The following CHSY1 variants were observed in gnomAD, a reference collection of about 807,000 sequenced individuals.
CHSY1 encodes N-acetylgalactosaminyl-proteoglycan 3-beta-glucuronosyltransferase 1.
Under a neutral mutation model 59.8 loss-of-function variants are expected in CHSY1, and 13 were observed. That is an observed-to-expected ratio of 0.22 (90% confidence interval 0.14 to 0.35). The LOEUF (loss-of-function observed/expected upper bound fraction) is 0.35. Ranked by LOEUF, CHSY1 falls within the 10% of genes least tolerant of loss-of-function variation. CHSY1 has a pLI of 1.00. For synonymous variants in CHSY1, 459 were observed against 401.2 expected (o/e 1.14, Z -1.72); for missense variants, 947 against 1,030.6 (o/e 0.92, Z 1.11).
chr15:101,180,653 C>G (rs1175302788), intron 2 of CHSY1, among the ~76,000 whole-genome samples: 1 of 152,196 alleles, frequency 6.6e-6, no homozygotes, highest in East Asian at 1.9e-4. Context: ...TTTAAATAAA[C>G]TGAAGCAAAG....
At chr15:101,250,889 G>A (rs1008950506) in intron 1 of CHSY1, among the ~76,000 whole-genome samples, 2 of 152,004 alleles carry the variant, frequency 1.3e-5, no homozygotes, top group Non-Finnish European at 2.9e-5. Flanking sequence ...ATCAGGGTGA[G>A]AGGTACACCC....
rs755136639 is a variant in CHSY1 at position 101,177,388 on chromosome 15, T to C, written c.2409A>G (p.Ter803=). 4 of 1,608,560 alleles carry C rather than the reference T, an allele frequency of 2.5e-6. No individual in the cohort carries two copies. The South Asian group carries it at 4.5e-5, about 18-fold the overall frequency. ...SNNNGSVRTA[*] is the part of the protein sequence containing the mutation. ...ACGTCTTTTCCAGCAAAGCTGGACA[T>C]TAGGCTGTCCTCACTGAGCCATTAT... is the stretch of plus-strand genomic sequence containing the variant. Residue 803 remains the stop codon, a stop_retained_variant, in exon 3 of 3, where the codon TAA becomes TAG. Transcript: ENST00000254190.
rs913889210 is a variant in CHSY1, at chr15:101,177,203, A to C, written c.*185T>G. 7 of 554,948 alleles carry C rather than the reference A, an allele frequency of 1.3e-5. No homozygotes were observed. Among genetic ancestry groups the C allele is most frequent in the Middle Eastern group, 4.7e-4 (1 of 2,138 alleles). The allele number at this position is 554,948 out of a possible 1,614,324, so 34.4% of individuals were successfully genotyped here. On this transcript the variant is annotated 3_prime_UTR_variant, in exon 3 of 3. Transcript: ENST00000254190. ...GTCTGCTACATAATGTTCAGCAAGA[A>C]GATGTGTTCAAAGGCAAACACTGAT...
chr15:101,183,667 G>GC (rs768363850), intron 2 of CHSY1, among the ~76,000 whole-genome samples: 82 of 152,238 alleles, frequency 5.4e-4, no homozygotes, highest in Non-Finnish European at 1.1e-3. Context: ...GAATGACCAT[G>GC]CAAGGAGGCA....
chr15:101,210,550 T>C (rs1469496173), intron 2 of CHSY1, among the ~76,000 whole-genome samples: 1 of 152,146 alleles, frequency 6.6e-6, no homozygotes, highest in Non-Finnish European at 1.5e-5. Flanking sequence ...GAAATCATAA[T>C]CAAGAAGACT....
At chr15:101,239,152 T>G (rs1475360139) in intron 1 of CHSY1, among the ~76,000 whole-genome samples, 1 of 152,224 alleles carries the variant, frequency 6.6e-6, no homozygotes, top group Non-Finnish European at 1.5e-5. Context: ...TTTGAAAATG[T>G]AAATAATTTC....
rs762567636 is a variant in CHSY1 at position 101,178,998 on chromosome 15, A to G, written c.817-18T>C. ...TGCTGCATCTGTTACAGGAAAAAAA[A>G]GAGATCACAAATTTAGTATTGTATG... On this transcript the variant is annotated intron_variant, in intron 2 of 2. Coordinates refer to ENST00000254190, the MANE Select transcript of CHSY1 (RefSeq NM_014918.5). The G allele has an allele frequency of 6.2e-7, 1 of 1,612,572 alleles. No homozygotes were observed. Among genetic ancestry groups the G allele is most frequent in the Non-Finnish European group, 8.5e-7 (1 of 1,178,850 alleles).
At chr15:101,196,339 T>C (rs2038507080) in intron 2 of CHSY1, among the ~76,000 whole-genome samples, 1 of 152,188 alleles carries the variant, frequency 6.6e-6, no homozygotes, top group Admixed American at 6.5e-5. Flanking sequence ...AAAACATTTT[T>C]CTTTGCTGGC....
At position 101,251,062 on chromosome 15, in the gene CHSY1, G is replaced by A. The variant is rs1049061637; in HGVS notation, c.320+75C>T. The A allele has an allele frequency of 9.3e-6, 13 of 1,402,164 alleles. No homozygotes were observed. The African/African-American group carries it at 1.0e-4, about 11-fold the overall frequency. 86.9% of individuals were successfully genotyped at this position (1,402,164 alleles called of 1,614,324 possible). Reference sequence around the variant, plus strand: ...GCCTAGGAAGCGGGCGGAGGCGAGAGCCAGGAGAGCACCCGGGATGCCGGC... The same window carrying A: ...GCCTAGGAAGCGGGCGGAGGCGAGAACCAGGAGAGCACCCGGGATGCCGGC... On this transcript the variant is annotated intron_variant, in intron 1 of 2. Coordinates refer to ENST00000254190, the MANE Select transcript of CHSY1 (RefSeq NM_014918.5).
intron 2 of CHSY1, among the ~76,000 whole-genome samples, chr15:101,223,245 T>C (rs773517071): frequency 2.0e-5 from 3 of 152,200 alleles, no homozygotes; most frequent in African/African-American, 7.2e-5. Context: ...TCCACCCACC[T>C]TGGCCTCCCA....
chr15:101,252,040 A>T lies in CHSY1; in HGVS notation c.-584T>A, dbSNP rs1266559382. On this transcript the variant is annotated 5_prime_UTR_variant, in exon 1 of 3. In the 5' UTR this introduces an upstream ATG that the reference lacks. Transcript: ENST00000254190. The stretch of plus-strand genomic sequence containing the variant: ...CCGTCCGCGCCGCGCGATTGGCGCA[A>T]AAGTGAATGAGGGGCGGTTCACGTG... The T allele has an allele frequency of 6.7e-6, 1 of 150,176 alleles. No homozygotes were observed. Among genetic ancestry groups the T allele is most frequent in the Non-Finnish European group, 1.5e-5 (1 of 67,508 alleles). The allele number at this position is 150,176 out of a possible 1,614,324, so 9.3% of individuals were successfully genotyped here.
intron 1 of CHSY1, among the ~76,000 whole-genome samples, chr15:101,250,366 A>G (rs1055805160): frequency 3.9e-5 from 6 of 152,220 alleles, no homozygotes; most frequent in Non-Finnish European, 5.9e-5. Flanking sequence ...CATGCCAGCC[A>G]TTCCAAAATC....
intron 2 of CHSY1, among the ~76,000 whole-genome samples, chr15:101,215,074 T>G (rs2038718213): frequency 6.6e-6 from 1 of 152,182 alleles, no homozygotes; most frequent in Admixed American, 6.5e-5. Context: ...CCACCATGAT[T>G]GTAAGTTTCC....
chr15:101,225,784 A>T (rs184521427), intron 2 of CHSY1, among the ~76,000 whole-genome samples: 11 of 152,386 alleles, frequency 7.2e-5, no homozygotes, highest in Non-Finnish European at 1.5e-5. Flanking sequence ...ATTTCCTTAT[A>T]GCCGTGTGAG....
intron 2 of CHSY1, among the ~76,000 whole-genome samples, chr15:101,217,451 C>T (rs1043632351): frequency 6.6e-6 from 1 of 152,188 alleles, no homozygotes; most frequent in Non-Finnish European, 1.5e-5. Context: ...ACAAGCATAC[C>T]TAGCACCCAA....
chr15:101,180,801 ATC>A (rs1567337718), intron 2 of CHSY1, among the ~76,000 whole-genome samples: 1 of 152,172 alleles, frequency 6.6e-6, no homozygotes, highest in Non-Finnish European at 1.5e-5. Context: ...ACGTTAACTT[ATC>A]TCTCTTTTTA....
At chr15:101,195,218 C>G (rs950756083) in intron 2 of CHSY1, among the ~76,000 whole-genome samples, 2 of 152,162 alleles carry the variant, frequency 1.3e-5, no homozygotes, top group African/African-American at 4.8e-5. Context: ...GCAACATATT[C>G]ACATATAAGA....
chr15:101,246,076 A>T (rs2039048226), intron 1 of CHSY1, among the ~76,000 whole-genome samples: 1 of 152,222 alleles, frequency 6.6e-6, no homozygotes. Flanking sequence ...TTCACTGATA[A>T]TAGTATCCTG....
In CHSY1 at chr15:101,193,415, C is replaced by G. The variant is rs562314779; in HGVS notation, c.817-14435G>C. Among the ~76,000 whole-genome samples the G allele has an allele frequency of 7.9e-5, 12 of 152,344 alleles. No homozygotes were observed. In the South Asian group the frequency reaches 2.5e-3, roughly 32 times the overall value. On this transcript the variant is annotated intron_variant, in intron 2 of 2. Coordinates refer to ENST00000254190, the MANE Select transcript of CHSY1 (RefSeq NM_014918.5). The stretch of plus-strand genomic sequence containing the variant: ...CAGAGGGAATCAACCTTGGAGCAGA[C>G]TGAAGAATACGCTGTGCTCTTTCAG...
Sources: allele counts gnomAD v4.1 joint callset (sites outside exome capture counted in the v4.1 genomes callset), GRCh38; gene constraint gnomAD v4.1.1; transcripts MANE v1.5; gene names NCBI Gene and HGNC (gene_info 2026-07-23, HGNC 2026-07-21).